Variants in DDX4 observed in about 807,000 individuals in gnomAD.
DDX4 encodes DEAD-box helicase 4.
Under a neutral mutation model 100.0 loss-of-function variants are expected in DDX4, and 25 were observed. The observed-to-expected ratio is 0.25, with a 90% CI of 0.18 to 0.35. The LOEUF (loss-of-function observed/expected upper bound fraction) is 0.35. Ranked by LOEUF, DDX4 falls within the 10% of genes least tolerant of loss-of-function variation. DDX4 has a pLI of 1.00. For missense variants in DDX4, 635 were observed against 882.4 expected (o/e 0.72, Z 3.55); for synonymous variants, 259 against 275.7 (o/e 0.94, Z 0.60).
At chr5:55,744,631 A>G (rs539670789) in intron 2 of DDX4, among the ~76,000 whole-genome samples, 1 of 152,362 alleles carries the variant, frequency 6.6e-6, no homozygotes, top group African/African-American at 2.4e-5. Flanking sequence ...TGCTAATGTA[A>G]TGCATGTGTG....
rs775896531 is a variant in DDX4 at position 55,790,592 on chromosome 5, G to A, written c.1189G>A (p.Val397Ile). Residue 397 changes from valine (V) to isoleucine (I), a missense_variant, in exon 16 of 22, where the codon GTT becomes ATT. Physicochemically the swap from Val to Ile is conservative, Grantham distance 29. Transcript: ENST00000505374. ...KFSFGTCVRA[V>I]VIYGGTQLGH... is the part of the protein sequence containing the mutation. ...TGTTAATAGGACTTGTGTAAGAGCT[G>A]TTGTTATATATGGGGGAACCCAGCT... 3.1e-6 allele frequency: 5 copies of A among 1,597,594 alleles called. No homozygotes were observed. The highest frequency in any genetic ancestry group is 4.3e-6 in the Non-Finnish European group (5 of 1,165,548).
At position 55,785,276 on chromosome 5, in the gene DDX4, A is replaced by G. The variant is rs1404162601; in HGVS notation, c.626-21A>G. On this transcript the variant is annotated intron_variant, in intron 10 of 21. Coordinates refer to ENST00000505374, the MANE Select transcript of DDX4 (RefSeq NM_024415.3). Reference sequence around the variant, plus strand: ...CAGCCTTACATCTTGACCGATTGTCACTTATGAATTTCTTTAATAGGTGGT... The same window carrying G: ...CAGCCTTACATCTTGACCGATTGTCGCTTATGAATTTCTTTAATAGGTGGT... 5 of 1,541,400 alleles carry G rather than the reference A, an allele frequency of 3.2e-6. No individual in the cohort carries two copies. In the Admixed American group the frequency reaches 8.4e-5, roughly 26 times the overall value.
chr5:55,791,264 C>T (rs1742541689), intron 16 of DDX4, among the ~76,000 whole-genome samples: 1 of 152,098 alleles, frequency 6.6e-6, no homozygotes, highest in African/African-American at 2.4e-5. Flanking sequence ...TTTCAGTTCA[C>T]CTTAATGAAC....
chr5:55,773,161 T>C (rs1741354541), intron 7 of DDX4: 1 of 152,662 alleles, frequency 6.6e-6, no homozygotes, highest in South Asian at 1.9e-4. Context: ...GGTTCATAGA[T>C]GGTGTCTTCT....
chr5:55,771,013 T>A (rs1312727971), intron 7 of DDX4, among the ~76,000 whole-genome samples: 2 of 152,168 alleles, frequency 1.3e-5, no homozygotes, highest in Admixed American at 1.3e-4. Context: ...TAGTGTAGGA[T>A]AATTAGCAGG....
intron 3 of DDX4, among the ~76,000 whole-genome samples, chr5:55,758,708 T>A (rs142432445): frequency 2.0e-5 from 3 of 152,058 alleles, no homozygotes; most frequent in East Asian, 3.9e-4. Context: ...AGATTCTTTT[T>A]AAACACATTT....
At position 55,816,573 on chromosome 5, in the gene DDX4, T is replaced by C. The variant is rs1334645498; in HGVS notation, c.*33T>C. ...ACATCCTTCAAGTCTGTGGTTTTGA[T>C]GCAGAGAAGAAAATAGTTTTGATTT... On this transcript the variant is annotated 3_prime_UTR_variant, in exon 22 of 22. Coordinates refer to ENST00000505374, the MANE Select transcript of DDX4 (RefSeq NM_024415.3). The C allele has an allele frequency of 1.9e-6, 3 of 1,603,282 alleles. No individual in the cohort carries two copies. The highest frequency in any genetic ancestry group is 2.6e-6 in the Non-Finnish European group (3 of 1,175,628).
chr5:55,766,517 T>C (rs1224329568), intron 6 of DDX4, among the ~76,000 whole-genome samples: 1 of 152,084 alleles, frequency 6.6e-6, no homozygotes, highest in Non-Finnish European at 1.5e-5. Flanking sequence ...TCAAAACTTA[T>C]TTCTTTCCTG....
intron 19 of DDX4, among the ~76,000 whole-genome samples, chr5:55,814,581 C>T (rs925004714): frequency 8.6e-5 from 13 of 151,904 alleles, no homozygotes; most frequent in Non-Finnish European, 1.5e-4. Context: ...ACCTCTGCTT[C>T]CCCGGTTCAA....
intron 8 of DDX4, among the ~76,000 whole-genome samples, chr5:55,780,629 G>A (rs1741851255): frequency 6.6e-6 from 1 of 152,202 alleles, no homozygotes; most frequent in Admixed American, 6.5e-5. Flanking sequence ...GGGTTACCAT[G>A]CAGGACTGGT....
chr5:55,770,690 T>C lies in DDX4; in HGVS notation c.394+2750T>C, dbSNP rs141644568. On this transcript the variant is annotated intron_variant, in intron 7 of 21. Coordinates refer to ENST00000505374, the MANE Select transcript of DDX4 (RefSeq NM_024415.3). ...TGAATTAGGCCCTCCCTAGTGAAGG[T>C]AGGACTTGTGGATTTCATAATGAGG... Among the ~76,000 whole-genome samples the C allele has an allele frequency of 1.9e-3, 285 of 152,266 alleles. 3 individuals carry two copies. The South Asian group carries it at 0.024, about 13-fold the overall frequency.
intron 14 of DDX4, 78 bp downstream of exon 14, chr5:55,786,748 T>C (rs1208965314): frequency 1.7e-6 from 2 of 1,160,488 alleles, no homozygotes; most frequent in Non-Finnish European, 2.5e-6. Context: ...TTTCTTCTTT[T>C]GAGTAGAAGG....
At chr5:55,808,951 C>G (rs563030929) in intron 18 of DDX4, among the ~76,000 whole-genome samples, 1 of 152,346 alleles carries the variant, frequency 6.6e-6, no homozygotes, top group South Asian at 2.1e-4. Context: ...CCCTGAGATG[C>G]GGTGGGCTCC....
chr5:55,772,897 A>G (rs1741340294), intron 7 of DDX4, among the ~76,000 whole-genome samples: 1 of 152,160 alleles, frequency 6.6e-6, no homozygotes, highest in Admixed American at 6.6e-5. Context: ...GTATTCCTTT[A>G]TAACAACACA....
chr5:55,773,186 A>G (rs1028113305), intron 7 of DDX4: 1 of 152,448 alleles, frequency 6.6e-6, no homozygotes, highest in African/African-American at 2.4e-5. Context: ...GTGTCCTCAC[A>G]TGGTGGATAA....
At chr5:55,765,255 A>T (rs1224458642) in intron 6 of DDX4, among the ~76,000 whole-genome samples, 1 of 151,406 alleles carries the variant, frequency 6.6e-6, no homozygotes, top group African/African-American at 2.4e-5. Flanking sequence ...TACCTACTTG[A>T]CCCCTTTGTA....
intron 3 of DDX4, among the ~76,000 whole-genome samples, chr5:55,753,201 T>A (rs1199698503): frequency 6.6e-6 from 1 of 152,236 alleles, no homozygotes; most frequent in South Asian, 2.1e-4. Flanking sequence ...AGATCCCATT[T>A]GTCAATTTTG....
At chr5:55,754,678 C>G (rs1394090465) in intron 3 of DDX4, among the ~76,000 whole-genome samples, 1 of 151,200 alleles carries the variant, frequency 6.6e-6, no homozygotes, top group Non-Finnish European at 1.5e-5. Flanking sequence ...CAGAATGATG[C>G]TGGCCTCATA....
chr5:55,807,084 C>G (rs943425899), intron 18 of DDX4, among the ~76,000 whole-genome samples: 34 of 152,210 alleles, frequency 2.2e-4, no homozygotes, highest in Non-Finnish European at 3.7e-4. Context: ...TAATGGCCTT[C>G]TTTGTCTCTT....
Sources: gnomAD v4.1 joint callset for allele counts (sites outside exome capture counted in the v4.1 genomes callset) on GRCh38, gnomAD v4.1.1 for gene constraint, MANE v1.5 for transcripts, NCBI Gene and HGNC (gene_info 2026-07-23, HGNC 2026-07-21) for gene names.